Variants in DMD observed in about 807,000 individuals in gnomAD.
DMD encodes dystrophin, also known as mutant dystrophin.
A neutral mutation model predicts 330.1 loss-of-function variants in DMD; 63 were observed. That is an observed-to-expected ratio of 0.19 (90% CI 0.16 to 0.24). The LOEUF (loss-of-function observed/expected upper bound fraction) is 0.24, where lower values mean the gene tolerates loss of function less well. Ranked by LOEUF, DMD falls within the 10% of genes least tolerant of loss-of-function variation. DMD has a pLI of 1.00. For missense variants in DMD, 3,344 were observed against 2,684.1 expected, an observed-to-expected ratio of 1.25 and a Z score of -5.43; for synonymous variants, 1,223 against 959.8, an observed-to-expected ratio of 1.27 and a Z score of -5.07.
At chrX:31,861,946 TACACACACAC>T (rs60169449) in intron 48 of DMD, among the ~76,000 whole-genome samples, 1 of 87,966 alleles carries the variant, frequency 1.1e-5, no homozygotes, top group Non-Finnish European at 2.2e-5. Flanking sequence ...GAAAATAATA[TACACACACAC>T]ACACACACAC....
intron 44 of DMD, among the ~76,000 whole-genome samples, chrX:32,201,974 T>A (rs759804481): frequency 2.2e-4 from 25 of 112,187 alleles, no homozygotes; most frequent in African/African-American, 7.1e-4. Context: ...TTCAGGGATA[T>A]CACTATACGT....
intron 44 of DMD, among the ~76,000 whole-genome samples, chrX:32,008,804 A>G (rs1263326560): frequency 9.0e-6 from 1 of 111,517 alleles, no homozygotes; most frequent in Non-Finnish European, 1.9e-5. Flanking sequence ...TGGAGTCTAC[A>G]TAGAGGAAGA....
chrX:32,364,381 T>C (rs994336808), intron 36 of DMD, among the ~76,000 whole-genome samples: 1 of 112,096 alleles, frequency 8.9e-6, no homozygotes, highest in Non-Finnish European at 1.9e-5. Flanking sequence ...GTGATGGATT[T>C]GAACAGAAAG....
At chrX:32,483,552 T>C (rs1025071034) in intron 21 of DMD, among the ~76,000 whole-genome samples, 15 of 109,644 alleles carry the variant, frequency 1.4e-4, no homozygotes, top group African/African-American at 4.9e-4. Flanking sequence ...TCCAGTGAAA[T>C]GGCTCCTTTG....
At chrX:32,382,003 C>T (rs1461708017) in intron 33 of DMD, among the ~76,000 whole-genome samples, 1 of 110,895 alleles carries the variant, frequency 9.0e-6, no homozygotes, top group African/African-American at 3.3e-5. Flanking sequence ...TAATAGAACA[C>T]AGGAATATTG....
chrX:32,203,428 T>G (rs2097049918), intron 44 of DMD, among the ~76,000 whole-genome samples: 1 of 112,253 alleles, frequency 8.9e-6, no homozygotes, highest in South Asian at 3.7e-4. Flanking sequence ...TCCTGAAACT[T>G]AAGAAAACTA....
chrX:32,966,230 A>G (rs1025103365), intron 2 of DMD, among the ~76,000 whole-genome samples: 1 of 112,222 alleles, frequency 8.9e-6, no homozygotes, highest in African/African-American at 3.2e-5. Flanking sequence ...ATTAGACAAC[A>G]TATTAGCTTT....
At chrX:31,569,652 A>ATACACG (rs2075690341) in intron 55 of DMD, among the ~76,000 whole-genome samples, 1 of 93,207 alleles carries the variant, frequency 1.1e-5, no homozygotes, top group Admixed American at 1.2e-4. Context: ...GTATATACGT[A>ATACACG]TATATACGTA....
At chrX:31,848,562 T>G (rs1391375189) in intron 48 of DMD, among the ~76,000 whole-genome samples, 1 of 111,203 alleles carries the variant, frequency 9.0e-6, no homozygotes, top group Non-Finnish European at 1.9e-5. Context: ...TAATGTCCCC[T>G]CCAATGCAAG....
At chrX:32,631,257 C>A (rs1405155858) in intron 11 of DMD, among the ~76,000 whole-genome samples, 1 of 111,716 alleles carries the variant, frequency 9.0e-6, no homozygotes, top group African/African-American at 3.3e-5. Context: ...GCTACCACGA[C>A]TAGGATTGTG....
intron 47 of DMD, among the ~76,000 whole-genome samples, chrX:31,893,729 G>A (rs981976438): frequency 4.5e-5 from 5 of 110,234 alleles, no homozygotes; most frequent in African/African-American, 1.7e-4. Flanking sequence ...TGAGAGTTGA[G>A]GGATTACACT....
At chrX:33,239,274 C>CAAAAAA (rs558228818) in intron 1 of DMD, among the ~76,000 whole-genome samples, 3 of 31,375 alleles carry the variant, frequency 9.6e-5, no homozygotes, top group African/African-American at 4.7e-4. Flanking sequence ...ACTCTGTCTC[C>CAAAAAA]AAAAAAAAAA....
intron 44 of DMD, among the ~76,000 whole-genome samples, chrX:32,034,745 C>A (rs1325771831): frequency 1.8e-5 from 2 of 111,196 alleles, no homozygotes; most frequent in Non-Finnish European, 3.8e-5. Context: ...ACATATTTTG[C>A]TTTTTTAACA....
intron 50 of DMD, among the ~76,000 whole-genome samples, chrX:31,781,620 G>A (rs6631392): frequency 0.24 from 26,731 of 110,513 alleles, 2,428 homozygotes; most frequent in African/African-American, 0.3. Flanking sequence ...GTTTTAGTTG[G>A]CATCATCTAA....
chrX:33,307,575 C>T (rs1363953834), intron 1 of DMD, among the ~76,000 whole-genome samples: 2 of 111,853 alleles, frequency 1.8e-5, no homozygotes, highest in East Asian at 5.6e-4. Context: ...CGCCTGTAGT[C>T]CCAGCTACTT....
At chrX:31,581,686 T>C (rs2076346892) in intron 55 of DMD, among the ~76,000 whole-genome samples, 1 of 112,325 alleles carries the variant, frequency 8.9e-6, no homozygotes, top group Non-Finnish European at 1.9e-5. Context: ...TTATTTTGCT[T>C]CATCTATGTA....
At chrX:32,593,624 T>C (rs1343100035) in intron 13 of DMD, among the ~76,000 whole-genome samples, 1 of 111,065 alleles carries the variant, frequency 9.0e-6, no homozygotes, top group Non-Finnish European at 1.9e-5. Context: ...CAAATTCTTT[T>C]TTTTAACTGT....
intron 44 of DMD, among the ~76,000 whole-genome samples, chrX:32,010,684 G>C (rs1389192310): frequency 3.6e-5 from 4 of 111,641 alleles, no homozygotes; most frequent in Non-Finnish European, 7.5e-5. Context: ...GGATATCCTT[G>C]AAAGCAGTCT....
intron 7 of DMD, among the ~76,000 whole-genome samples, chrX:32,802,651 A>G (rs1305529602): frequency 3.6e-5 from 4 of 111,663 alleles, no homozygotes; most frequent in Non-Finnish European, 7.5e-5. Context: ...CATTCCATCA[A>G]TACCTAGTTT....
Sources: allele counts gnomAD v4.1 joint callset (sites outside exome capture counted in the v4.1 genomes callset), GRCh38; gene constraint gnomAD v4.1.1; transcripts MANE v1.5; gene names NCBI Gene and HGNC (gene_info 2026-07-23, HGNC 2026-07-21).